B3GALNT2: variants seen among roughly 807,000 people sequenced by gnomAD.
The protein encoded by B3GALNT2 is UDP-GalNAc:beta-1,3-N-acetylgalactosaminyltransferase 2.
In B3GALNT2, 53 loss-of-function variants were observed where a neutral mutation model predicts 61.1. The observed-to-expected ratio is 0.87, with a 90% confidence interval of 0.70 to 1.09. The LOEUF (loss-of-function observed/expected upper bound fraction) is 1.09, where lower values mean the gene tolerates loss of function less well. Among genes scored for constraint, B3GALNT2 ranks in the 50% least tolerant of loss-of-function variants. The probability of loss-of-function intolerance (pLI) is 0.00; values close to 1 mark genes in which losing one functional copy is unlikely to be tolerated. For synonymous variants in B3GALNT2, 223 were observed against 237.4 expected, an observed-to-expected ratio of 0.94 and a Z score of 0.56; for missense variants, 544 against 623.0, an observed-to-expected ratio of 0.87 and a Z score of 1.35.
downstream of B3GALNT2, among the ~76,000 whole-genome samples, chr1:235,443,336 G>T (rs1371848160): frequency 2.0e-5 from 3 of 152,006 alleles, no homozygotes; most frequent in South Asian, 2.1e-4. Context: ...ACGTAGCTGG[G>T]ACTACACGTG....
rs1318601952 is a variant in B3GALNT2, at chr1:235,448,882, G to A, written c.*1324C>T. On this transcript the variant is annotated 3_prime_UTR_variant, in exon 12 of 12. Transcript: ENST00000366600. ...AAAGGGGGTTTACAACTTGTCCTAA[G>A]TATAACAAGGGATGTATTTTTTGTT... is the stretch of plus-strand genomic sequence containing the variant. 4 of 767,026 alleles carry A rather than the reference G, an allele frequency of 5.2e-6. No individual in the cohort carries two copies. In the East Asian group the frequency reaches 1.1e-4, roughly 21 times the overall value. The allele number at this position is 767,026 out of a possible 1,614,324, so 47.5% of individuals were successfully genotyped here.
In B3GALNT2 at chr1:235,450,093, G is replaced by C; in HGVS notation, c.*113C>G. On this transcript the variant is annotated 3_prime_UTR_variant, in exon 12 of 12. Coordinates refer to ENST00000366600, the MANE Select transcript of B3GALNT2 (RefSeq NM_152490.5). ...GGTTCTGGGTGAAAGTGCCAGTCTG[G>C]AACTCTCTTGAAAGACCATACAGTC... The C allele has an allele frequency of 7.6e-7, 1 of 1,315,554 alleles. No homozygotes were observed. The highest frequency in any genetic ancestry group is 1.4e-5 in the South Asian group (1 of 73,756). 81.5% of individuals were successfully genotyped at this position (1,315,554 alleles called of 1,614,324 possible). A position where few individuals can be genotyped will look rare whatever the true frequency, so the allele number is the denominator to read the frequency against.
intron 5 of B3GALNT2, among the ~76,000 whole-genome samples, chr1:235,474,983 A>ATTTT (rs1558425497): frequency 6.7e-4 from 26 of 38,990 alleles, no homozygotes; most frequent in Admixed American, 8.2e-4. Context: ...ATATATATAT[A>ATTTT]TATATTTTTT....
chr1:235,459,493 C>T (rs1481767837), intron 7 of B3GALNT2, among the ~76,000 whole-genome samples: 6 of 152,084 alleles, frequency 3.9e-5, no homozygotes, highest in Admixed American at 3.9e-4. Context: ...CATAGTGGTG[C>T]ATGCCTCTGG....
chr1:235,483,707 AATGTAGT>A lies in B3GALNT2; in HGVS notation c.555+608_555+614del, dbSNP rs559862998. Reference sequence around the variant, plus strand: ...TACAGGAAAACGTTAATTGTTGTAGAATGTAGTTAGTGGCTATAGGGTTTACTGAATA... The same window carrying A: ...TACAGGAAAACGTTAATTGTTGTAGATAGTGGCTATAGGGTTTACTGAATA... On this transcript the variant is annotated intron_variant, in intron 4 of 11. Transcript: ENST00000366600. 3.5e-3 allele frequency among the ~76,000 whole-genome samples: 538 copies of A among 152,336 alleles called. 3 individuals carry two copies. The highest frequency in any genetic ancestry group is 0.013 in the African/African-American group (525 of 41,574).
chr1:235,480,772 G>A (rs1000113267), intron 4 of B3GALNT2, among the ~76,000 whole-genome samples: 9 of 151,504 alleles, frequency 5.9e-5, no homozygotes, highest in African/African-American at 2.2e-4. Flanking sequence ...TGGGTGTGGT[G>A]GCAGGCACCT....
intron 6 of B3GALNT2, among the ~76,000 whole-genome samples, chr1:235,470,434 C>T (rs906311391): frequency 6.6e-6 from 1 of 151,674 alleles, no homozygotes; most frequent in South Asian, 2.1e-4. Context: ...CTACAAAAAA[C>T]ACAAAAAGTT....
At chr1:235,456,732 T>C (rs188518057) in intron 8 of B3GALNT2, among the ~76,000 whole-genome samples, 32 of 152,232 alleles carry the variant, frequency 2.1e-4, no homozygotes, top group Admixed American at 9.8e-4. Flanking sequence ...CAGCGGAGAC[T>C]AAGGGAGAGG....
At chr1:235,469,475 C>T (rs184248298) in intron 6 of B3GALNT2, among the ~76,000 whole-genome samples, 21 of 152,170 alleles carry the variant, frequency 1.4e-4, no homozygotes, top group Non-Finnish European at 1.8e-4. Context: ...AAAGCAAAGC[C>T]GAATGAGAAA....
chr1:235,496,558 T>TA lies in B3GALNT2; in HGVS notation c.113-1731_113-1730insT, dbSNP rs201269283. ...GTAGGTACTTGTTTCTTTTTTTTTT[T>TA]TTTTTTGACGGAGTCCCACTCTGTG... On this transcript the variant is annotated intron_variant, in intron 1 of 11. Transcript: ENST00000366600. 1.5e-3 allele frequency among the ~76,000 whole-genome samples: 225 copies of TA among 151,388 alleles called. 2 individuals carry two copies. The East Asian group carries it at 0.03, about 20-fold the overall frequency.
At chr1:235,493,414 C>G (rs1294780418) in intron 2 of B3GALNT2, among the ~76,000 whole-genome samples, 2 of 152,088 alleles carry the variant, frequency 1.3e-5, no homozygotes, top group African/African-American at 2.4e-5. Flanking sequence ...TCATTGCAAC[C>G]ATGAACTAAA....
At chr1:235,457,273 GAA>G (rs904591398) in intron 8 of B3GALNT2, among the ~76,000 whole-genome samples, 16 of 152,250 alleles carry the variant, frequency 1.1e-4, no homozygotes, top group African/African-American at 3.8e-4. Context: ...GAGAAGAAAA[GAA>G]AGAGACAGAC....
rs10925833 is a variant in B3GALNT2, at chr1:235,487,860, C to T, written c.361+1308G>A. On this transcript the variant is annotated intron_variant, in intron 3 of 11. Transcript: ENST00000366600. ...GTGCAGTAGCGGAAGCAGATCATAGCTTACTGCAGCCTCGAACTGCTGGAC... is the reference window on the plus strand; with the variant it reads ...GTGCAGTAGCGGAAGCAGATCATAGTTTACTGCAGCCTCGAACTGCTGGAC... Among the ~76,000 whole-genome samples the T allele has an allele frequency of 8.3e-3, 1,262 of 152,216 alleles. 14 individuals carry two copies. Among genetic ancestry groups the T allele is most frequent in the African/African-American group, 0.029 (1,216 of 41,508 alleles).
chr1:235,444,682 G>C (rs1238707825), downstream of B3GALNT2, among the ~76,000 whole-genome samples: 2 of 152,230 alleles, frequency 1.3e-5, no homozygotes. Context: ...TGGGGTTATA[G>C]GTGTGAGCCA....
chr1:235,440,009 C>T, the B3GALNT2 span, among the ~76,000 whole-genome samples: 66 of 152,104 alleles, frequency 4.3e-4, no homozygotes, highest in South Asian at 0.011. Flanking sequence ...CTCGCTCTGT[C>T]GCCCAGGCTG....
chr1:235,448,732 A>AAAT lies in B3GALNT2; in HGVS notation c.*1471_*1473dup. The AAAT allele has an allele frequency of 1.2e-6, 2 of 1,614,066 alleles. No homozygotes were observed. The highest frequency in any genetic ancestry group is 2.2e-5 in the South Asian group (2 of 91,080). ...AGTCATTACAGTTTTATTCTGTGGA[A>AAAT]AATGGAGATTGTCTATTAGTGCGAT... On this transcript the variant is annotated 3_prime_UTR_variant, in exon 12 of 12. Coordinates refer to ENST00000366600, the MANE Select transcript of B3GALNT2 (RefSeq NM_152490.5).
Position 235,504,045 on chromosome 1 carries a change from C to T in B3GALNT2, c.112+96G>A, listed in dbSNP as rs1685712872. 13 of 1,179,308 alleles carry T rather than the reference C, an allele frequency of 1.1e-5. 2 individuals carry two copies. In the South Asian group the frequency reaches 5.6e-4, roughly 51 times the overall value. 73.1% of individuals were successfully genotyped at this position (1,179,308 alleles called of 1,614,324 possible). A position where few individuals can be genotyped will look rare whatever the true frequency, so the allele number is the denominator to read the frequency against. The stretch of plus-strand genomic sequence containing the variant: ...TGGGGACCGTCGCGTTTGGCCCTTC[C>T]CCCGCCTCCAACAATTCCCGGCGAA... On this transcript the variant is annotated intron_variant, in intron 1 of 11. Transcript: ENST00000366600.
At chr1:235,501,131 A>G (rs1481087572) in intron 1 of B3GALNT2, among the ~76,000 whole-genome samples, 1 of 152,182 alleles carries the variant, frequency 6.6e-6, no homozygotes, top group Non-Finnish European at 1.5e-5. Context: ...TCATTTTTCT[A>G]AATTAACCGT....
At chr1:235,462,138 A>G (rs1032981943) in intron 7 of B3GALNT2, among the ~76,000 whole-genome samples, 2 of 152,366 alleles carry the variant, frequency 1.3e-5, no homozygotes, top group Middle Eastern at 6.8e-3. Flanking sequence ...ATTGTAAGTC[A>G]AGGAGCATCT....
Sources: gnomAD v4.1 joint callset for allele counts (sites outside exome capture counted in the v4.1 genomes callset) on GRCh38, gnomAD v4.1.1 for gene constraint, MANE v1.5 for transcripts, NCBI Gene and HGNC (gene_info 2026-07-23, HGNC 2026-07-21) for gene names.